Variants in EFCAB5 observed in about 807,000 individuals in gnomAD.
EFCAB5 encodes the protein EF-hand calcium binding domain 5, also known as EF-hand calcium-binding domain-containing protein 5.
EFCAB5 carries 131 observed loss-of-function variants against 167.9 expected under a neutral mutation model. The observed-to-expected ratio is 0.78, with a 90% confidence interval of 0.68 to 0.90. The LOEUF (loss-of-function observed/expected upper bound fraction) is 0.90. EFCAB5 is among the 40% of genes least tolerant of loss of function. EFCAB5 has a pLI of 0.00. For synonymous variants in EFCAB5, 574 were observed against 602.8 expected (o/e 0.95, Z 0.70); for missense variants, 1,663 against 1,745.2 (o/e 0.95, Z 0.84).
chr17:29,961,655 T>C (rs532632186), intron 3 of EFCAB5, among the ~76,000 whole-genome samples: 2 of 152,186 alleles, frequency 1.3e-5, no homozygotes, highest in Non-Finnish European at 2.9e-5. Flanking sequence ...GGCATGATCA[T>C]GGCCCACTGC....
At position 30,034,247 on chromosome 17, in the gene EFCAB5, T is replaced by C; in HGVS notation, c.1062T>C (p.Ile354=). ...MEFTEYISSH[I]KDLKSEMFEE... ...CCCTGTAGTACATCTCTTCACATAT[T>C]AAAGACTTGAAGAGTGAAATGTTTG... Residue 354 remains isoleucine, a synonymous_variant, in exon 8 of 23, where the codon ATT becomes ATC. Coordinates refer to ENST00000394835, the MANE Select transcript of EFCAB5 (RefSeq NM_198529.4). 1.2e-6 allele frequency: 2 copies of C among 1,613,960 alleles called. No individual in the cohort carries two copies. Among genetic ancestry groups the C allele is most frequent in the Non-Finnish European group, 1.7e-6 (2 of 1,179,868 alleles).
intron 14 of EFCAB5, among the ~76,000 whole-genome samples, chr17:30,062,099 C>T (rs915559390): frequency 3.3e-5 from 5 of 152,192 alleles, no homozygotes; most frequent in South Asian, 4.1e-4. Flanking sequence ...TCCAGTAGGA[C>T]ATTTAACTCT....
chr17:29,987,005 G>A (rs1178986690), intron 4 of EFCAB5, among the ~76,000 whole-genome samples: 2 of 152,108 alleles, frequency 1.3e-5, no homozygotes, highest in Non-Finnish European at 2.9e-5. Flanking sequence ...GTGCCATAGA[G>A]TGATTACGTC....
chr17:29,999,608 G>A (rs2068619121), intron 6 of EFCAB5, among the ~76,000 whole-genome samples: 1 of 152,106 alleles, frequency 6.6e-6, no homozygotes, highest in Non-Finnish European at 1.5e-5. Flanking sequence ...AACCAACACA[G>A]ATGTTTTTGT....
rs769280054 is a variant in EFCAB5, at chr17:30,091,987, C to T, written c.4054C>T (p.Leu1352Phe). ...LNSMEFVSLL[L>F]YDHTLVTEPN... ...TTCCATGGAATTTGTGTCACTGTTGCTCTATGACCATACTCTTGTAACAGA... is the reference window on the plus strand; with the variant it reads ...TTCCATGGAATTTGTGTCACTGTTGTTCTATGACCATACTCTTGTAACAGA... Residue 1352 changes from leucine (L) to phenylalanine (F), a missense_variant, in exon 21 of 23, where the codon CTC becomes TTC. Physicochemically the swap from Leu to Phe is conservative, Grantham distance 22. Coordinates refer to ENST00000394835, the MANE Select transcript of EFCAB5 (RefSeq NM_198529.4). 5 of 1,613,966 alleles carry T rather than the reference C, an allele frequency of 3.1e-6. No individual in the cohort carries two copies. The highest frequency in any genetic ancestry group is 1.7e-6 in the Non-Finnish European group (2 of 1,179,874).
In EFCAB5 at chr17:29,968,793, T is replaced by C; in HGVS notation, c.193T>C (p.Leu65=). The C allele has an allele frequency of 6.7e-7, 1 of 1,481,820 alleles. No homozygotes were observed. The highest frequency in any genetic ancestry group is 2.8e-5 in the Admixed American group (1 of 36,270). 91.8% of individuals were successfully genotyped at this position (1,481,820 alleles called of 1,614,324 possible). A position where few individuals can be genotyped will look rare whatever the true frequency, so the allele number is the denominator to read the frequency against. ...KAMDEIKSQE[L]NLEGQRKISP... is the part of the protein sequence containing the mutation. ...ATTTCACTTTTTTTTCCCCTCAGAA[T>C]TAAACCTGGAGGGGCAGCGAAAAAT... Residue 65 remains leucine (L), a splice_region_variant and synonymous_variant, in exon 4 of 23, where the codon TTA becomes CTA. Coordinates refer to ENST00000394835, the MANE Select transcript of EFCAB5 (RefSeq NM_198529.4).
At chr17:30,051,238 G>A (rs1160993473) in intron 9 of EFCAB5, 21 bp downstream of exon 9, 18 of 1,608,548 alleles carry the variant, frequency 1.1e-5, no homozygotes, top group Non-Finnish European at 1.5e-5. Flanking sequence ...CTCAGAGGGA[G>A]TATGTTCAAG....
intron 7 of EFCAB5, among the ~76,000 whole-genome samples, chr17:30,004,501 GAGTTACTCCA>G (rs1453696612): frequency 6.6e-6 from 1 of 152,178 alleles, no homozygotes; most frequent in Admixed American, 6.6e-5. Context: ...ACCTCAGTCT[GAGTTACTCCA>G]TTTTGATTTT....
chr17:29,930,024 G>C, intron 1 of EFCAB5: 5 of 1,584,894 alleles, frequency 3.2e-6, no homozygotes, highest in Non-Finnish European at 2.6e-6. Context: ...GGTTGTTCCG[G>C]GCAGGGCATT....
chr17:29,978,570 G>A (rs2068107163), intron 4 of EFCAB5, among the ~76,000 whole-genome samples: 1 of 152,150 alleles, frequency 6.6e-6, no homozygotes, highest in Non-Finnish European at 1.5e-5. Flanking sequence ...CCTGCAACTT[G>A]ATATTAAATG....
chr17:29,998,547 T>G, intron 6 of EFCAB5, among the ~76,000 whole-genome samples: 1 of 152,230 alleles, frequency 6.6e-6, no homozygotes, highest in Non-Finnish European at 1.5e-5. Context: ...CAGGTATACT[T>G]AATAGCAACT....
chr17:29,942,187 T>A, intron 1 of EFCAB5, 53 bp from the exon 2 acceptor site: 1 of 1,473,628 alleles, frequency 6.8e-7, no homozygotes, highest in South Asian at 1.3e-5. Context: ...GAGACAGTAG[T>A]TTAATCCACA....
chr17:30,096,677 A>ATTTTTTTTTTTTT (rs71278522), intron 22 of EFCAB5, among the ~76,000 whole-genome samples: 1 of 60,122 alleles, frequency 1.7e-5, no homozygotes, highest in African/African-American at 8.4e-5. Context: ...ATATATATAT[A>ATTTTTTTTTTTTT]TTTTTTTTTT....
chr17:30,084,396 C>A (rs1048375636), intron 18 of EFCAB5, among the ~76,000 whole-genome samples: 2 of 152,156 alleles, frequency 1.3e-5, no homozygotes, highest in African/African-American at 4.8e-5. Flanking sequence ...ACACATAGGG[C>A]ACCATGGAAA....
At chr17:30,039,224 A>G (rs779337939) in intron 8 of EFCAB5, among the ~76,000 whole-genome samples, 8 of 152,176 alleles carry the variant, frequency 5.3e-5, no homozygotes, top group Non-Finnish European at 1.0e-4. Flanking sequence ...CGTGCTGCTA[A>G]CCACCAAGTA....
chr17:30,083,021 T>G lies in EFCAB5; in HGVS notation c.3557T>G (p.Phe1186Cys). 6.2e-7 allele frequency: 1 copy of G among 1,613,902 alleles called. No individual in the cohort carries two copies. The change falls in exon 18 of 23, where the codon TTT becomes TGT. Residue 1186 changes from phenylalanine to cysteine, a missense_variant. Coordinates refer to ENST00000394835, the MANE Select transcript of EFCAB5 (RefSeq NM_198529.4). ...TSSITSITTY[F>C]VEPSPAQDSD... ...AGCATCACCTCCATCACTACGTACTTTGTAGAGCCTAGCCCAGCCCAGGTA... is the reference window on the plus strand; with the variant it reads ...AGCATCACCTCCATCACTACGTACTGTGTAGAGCCTAGCCCAGCCCAGGTA...
chr17:29,999,938 T>G lies in EFCAB5; in HGVS notation c.1006T>G (p.Ser336Ala). The change falls in exon 7 of 23, where the codon TCA becomes GCA. Residue 336 changes from serine to alanine, a missense_variant. By Grantham distance (99) the Ser-to-Ala change is moderately conservative. Coordinates refer to ENST00000394835, the MANE Select transcript of EFCAB5 (RefSeq NM_198529.4). ...CTGCAAACAACTGGATATTACTGAC[T>G]CAACAGAACCAAGATTGAACAAAAT... Reference protein sequence around the residue: ...SHCKQLDITDSTEPRLNKMEF... With the variant: ...SHCKQLDITDATEPRLNKMEF... 1 of 1,585,962 alleles carries G rather than the reference T, an allele frequency of 6.3e-7. No homozygotes were observed. The highest frequency in any genetic ancestry group is 1.2e-5 in the South Asian group (1 of 86,582).
intron 7 of EFCAB5, among the ~76,000 whole-genome samples, chr17:30,017,935 T>C (rs528523836): frequency 6.6e-6 from 1 of 152,180 alleles, no homozygotes; most frequent in Non-Finnish European, 1.5e-5. Flanking sequence ...CAATGTGTTT[T>C]GCTATTCCCA....
Position 30,000,314 on chromosome 17 carries a change from A to G in EFCAB5, c.1044+338A>G, listed in dbSNP as rs190955789. ...CTTTCCTATGGGCCAGGTATCATACATGAACTTGGTTAACCCTCTCAGCAA... is the reference window on the plus strand; with the variant it reads ...CTTTCCTATGGGCCAGGTATCATACGTGAACTTGGTTAACCCTCTCAGCAA... On this transcript the variant is annotated intron_variant, in intron 7 of 22. Transcript: ENST00000394835. Among the ~76,000 whole-genome samples the G allele has an allele frequency of 7.4e-4, 113 of 152,328 alleles. 1 individual carries two copies. Among genetic ancestry groups the G allele is most frequent in the Admixed American group, 2.2e-3 (34 of 15,302 alleles).
Sources: allele counts gnomAD v4.1 joint callset (sites outside exome capture counted in the v4.1 genomes callset), GRCh38; gene constraint gnomAD v4.1.1; transcripts MANE v1.5; gene names NCBI Gene and HGNC (gene_info 2026-07-23, HGNC 2026-07-21).